WDPCP: variants seen among roughly 807,000 people sequenced by gnomAD.
WDPCP encodes the protein WD repeat-containing and planar cell polarity effector protein fritz homolog.
WDPCP carries 71 observed loss-of-function variants against 93.1 expected under a neutral mutation model. That is an observed-to-expected ratio of 0.76 (90% CI 0.63 to 0.93). The LOEUF (loss-of-function observed/expected upper bound fraction) is 0.93. Ranked by LOEUF, WDPCP falls within the 40% of genes least tolerant of loss-of-function variation. The pLI is 0.00. For missense variants in WDPCP, 844 were observed against 887.4 expected (o/e 0.95, Z 0.62); for synonymous variants, 315 against 315.0 (o/e 1.00, Z 0.00).
At chr2:63,629,146 A>G (rs1335330518) in intron 3 of WDPCP, among the ~76,000 whole-genome samples, 1 of 152,222 alleles carries the variant, frequency 6.6e-6, no homozygotes, top group East Asian at 1.9e-4. Context: ...AGGCACAGAC[A>G]AACAAAGAAA....
At chr2:63,505,501 T>C (rs1385588681) in intron 1 of WDPCP, among the ~76,000 whole-genome samples, 1 of 152,084 alleles carries the variant, frequency 6.6e-6, no homozygotes, top group Non-Finnish European at 1.5e-5. Flanking sequence ...TAAGGAAGAT[T>C]CTAGATTATG....
At chr2:63,148,967 G>C (rs1374913065) in intron 17 of WDPCP, among the ~76,000 whole-genome samples, 3 of 151,990 alleles carry the variant, frequency 2.0e-5, no homozygotes, top group Non-Finnish European at 4.4e-5. Flanking sequence ...TATGAGATTG[G>C]AAATAAGGAA....
chr2:63,313,329 ATAT>A lies in WDPCP; in HGVS notation c.1749-21_1749-19del, dbSNP rs1374121530. 15 of 1,609,512 alleles carry A rather than the reference ATAT, an allele frequency of 9.3e-6. No individual in the cohort carries two copies. The highest frequency in any genetic ancestry group is 1.3e-5 in the Non-Finnish European group (15 of 1,176,574). On this transcript the variant is annotated intron_variant, in intron 12 of 17. Transcript: ENST00000272321. ...TCTGGTACCTACAAGGCAGAAAAAA[ATAT>A]TATGTTAGTTGTGAACAAGAATATA...
chr2:63,276,991 A>G (rs1683136210), intron 13 of WDPCP, among the ~76,000 whole-genome samples: 3 of 152,182 alleles, frequency 2.0e-5, no homozygotes, highest in African/African-American at 7.2e-5. Flanking sequence ...GCATGAGGTA[A>G]CCTATAAAGG....
intron 3 of WDPCP, among the ~76,000 whole-genome samples, chr2:63,602,405 G>A (rs1158512965): frequency 3.3e-5 from 4 of 121,518 alleles, no homozygotes; most frequent in African/African-American, 6.4e-5. Context: ...CTCAAAAGTC[G>A]CAAAAAAATA....
At chr2:63,505,219 T>C (rs754746648) in intron 1 of WDPCP, among the ~76,000 whole-genome samples, 5 of 152,094 alleles carry the variant, frequency 3.3e-5, no homozygotes, top group Non-Finnish European at 4.4e-5. Flanking sequence ...CTTTCAACTT[T>C]ACTAACGGTT....
At chr2:63,613,278 T>C (rs904692399) in intron 3 of WDPCP, among the ~76,000 whole-genome samples, 1 of 152,236 alleles carries the variant, frequency 6.6e-6, no homozygotes, top group East Asian at 1.9e-4. Flanking sequence ...AGGATTCAAA[T>C]GCATGTGATT....
chr2:63,814,565 ATC>A (rs1670904840), intron 1 of WDPCP, among the ~76,000 whole-genome samples: 1 of 152,190 alleles, frequency 6.6e-6, no homozygotes, highest in African/African-American at 2.4e-5. Context: ...CTAGTTTAAG[ATC>A]TGTTAGTCTG....
intron 2 of WDPCP, among the ~76,000 whole-genome samples, chr2:63,491,302 A>G (rs1282893692): frequency 6.6e-6 from 1 of 152,134 alleles, no homozygotes; most frequent in Non-Finnish European, 1.5e-5. Context: ...TTCCTCAAAT[A>G]TCTAGTGATC....
chr2:63,159,492 T>C (rs1380196583), intron 15 of WDPCP, among the ~76,000 whole-genome samples: 9 of 152,206 alleles, frequency 5.9e-5, no homozygotes, highest in Non-Finnish European at 4.4e-5. Context: ...TCTTTTCTCA[T>C]GTGAGTTGAG....
intron 14 of WDPCP, among the ~76,000 whole-genome samples, chr2:63,190,499 C>A (rs1388848709): frequency 6.7e-6 from 1 of 150,158 alleles, no homozygotes; most frequent in Non-Finnish European, 1.5e-5. Flanking sequence ...TATTTTGGGT[C>A]CTTTATATTT....
chr2:63,199,908 G>A (rs116201665), intron 14 of WDPCP, among the ~76,000 whole-genome samples: 2,911 of 152,288 alleles, frequency 0.019, 90 homozygotes, highest in African/African-American at 0.065. Context: ...AGCCATGGGA[G>A]CTGAGCCCTG....
At chr2:63,314,935 T>C (rs976469344) in intron 12 of WDPCP, among the ~76,000 whole-genome samples, 1 of 152,306 alleles carries the variant, frequency 6.6e-6, no homozygotes, top group East Asian at 1.9e-4. Flanking sequence ...GGATGTGCTC[T>C]TCTTTCTAGG....
intron 1 of WDPCP, among the ~76,000 whole-genome samples, chr2:63,575,210 T>C (rs536650131): frequency 6.6e-6 from 1 of 151,336 alleles, no homozygotes; most frequent in South Asian, 2.1e-4. Flanking sequence ...TGTTACATAA[T>C]AGAAATAGTC....
intron 2 of WDPCP, among the ~76,000 whole-genome samples, chr2:63,721,746 G>GGTCTCCCTCTCCCTCTCCC (rs1669418606): frequency 2.0e-5 from 1 of 49,362 alleles, no homozygotes; most frequent in Admixed American, 2.8e-4. Flanking sequence ...CTCTCCCCAC[G>GGTCTCCCTCTCCCTCTCCC]GTCTCCCTCT....
chr2:63,589,070 GCC>G, upstream of WDPCP: 1 of 1,614,200 alleles, frequency 6.2e-7, no homozygotes, highest in Non-Finnish European at 8.5e-7. Context: ...CCGGGTTCCT[GCC>G]CACCTCTGGC....
At chr2:63,763,471 C>T (rs1267598508) in intron 2 of WDPCP, among the ~76,000 whole-genome samples, 1 of 148,514 alleles carries the variant, frequency 6.7e-6, no homozygotes, top group Non-Finnish European at 1.5e-5. Context: ...CACTGCATTC[C>T]ACCCTGGGCA....
chr2:63,341,890 T>G (rs1345739180), intron 12 of WDPCP, among the ~76,000 whole-genome samples: 1 of 152,172 alleles, frequency 6.6e-6, no homozygotes, highest in Non-Finnish European at 1.5e-5. Context: ...AGAATATATT[T>G]TTTCATCCTT....
At chr2:63,225,563 A>G (rs1678221601) in intron 14 of WDPCP, among the ~76,000 whole-genome samples, 1 of 152,028 alleles carries the variant, frequency 6.6e-6, no homozygotes, top group South Asian at 2.1e-4. Flanking sequence ...ATACATTCAC[A>G]AAGGACATGC....
Sources: gnomAD v4.1 joint callset for allele counts (sites outside exome capture counted in the v4.1 genomes callset) on GRCh38, gnomAD v4.1.1 for gene constraint, MANE v1.5 for transcripts, NCBI Gene and HGNC (gene_info 2026-07-23, HGNC 2026-07-21) for gene names.